EPHA7: variants seen among roughly 807,000 people sequenced by gnomAD.
The protein encoded by EPHA7 is ephrin type-A receptor 7.
EPHA7 carries 25 observed loss-of-function variants against 112.6 expected under a neutral mutation model. The observed-to-expected ratio is 0.22, with a 90% CI of 0.16 to 0.31. EPHA7 has a LOEUF of 0.31. Among genes scored for constraint, EPHA7 ranks in the 10% least tolerant of loss-of-function variants. EPHA7 has a pLI of 1.00. For missense variants in EPHA7, 962 were observed against 1,212.6 expected (o/e 0.79, Z 3.07); for synonymous variants, 437 against 406.5 (o/e 1.07, Z -0.90).
At chr6:93,387,483 A>G (rs1452636723) in intron 3 of EPHA7, among the ~76,000 whole-genome samples, 2 of 151,964 alleles carry the variant, frequency 1.3e-5, no homozygotes, top group Non-Finnish European at 2.9e-5. Flanking sequence ...CCTGTTACCT[A>G]TTTCCTAAGT....
chr6:93,302,765 T>C lies in EPHA7; in HGVS notation c.1325-30343A>G, dbSNP rs1225150885. Among the ~76,000 whole-genome samples, 5 of 152,126 alleles carry C rather than the reference T, an allele frequency of 3.3e-5. 1 individual carries two copies. Among genetic ancestry groups the C allele is most frequent in the Non-Finnish European group, 4.4e-5 (3 of 68,012 alleles). On this transcript the variant is annotated intron_variant, in intron 5 of 16. Coordinates refer to ENST00000369303, the MANE Select transcript of EPHA7 (RefSeq NM_004440.4). The stretch of plus-strand genomic sequence containing the variant: ...GAGAGGGAAAAGGAGAAGGCAGAGT[T>C]ACTGGACAGGAATAAATGAGGACAA...
At chr6:93,257,554 C>G (rs759350674) in intron 11 of EPHA7, 31 bp from the exon 12 acceptor site, 3 of 1,476,802 alleles carry the variant, frequency 2.0e-6, no homozygotes, top group Non-Finnish European at 2.8e-6. Context: ...TTTCAGGAGT[C>G]GTAACCTGAG....
chr6:93,376,766 C>A (rs901217603), intron 3 of EPHA7, among the ~76,000 whole-genome samples: 2 of 152,146 alleles, frequency 1.3e-5, no homozygotes, highest in Admixed American at 6.5e-5. Context: ...AAGATTTGGG[C>A]AGACTCAGGT....
At chr6:93,387,589 C>T (rs541115604) in intron 3 of EPHA7, among the ~76,000 whole-genome samples, 1 of 152,074 alleles carries the variant, frequency 6.6e-6, no homozygotes, top group African/African-American at 2.4e-5. Context: ...GAAGAAATAG[C>T]CCAAACTGAG....
chr6:93,312,481 C>T (rs1484408180), intron 5 of EPHA7, among the ~76,000 whole-genome samples: 6 of 152,066 alleles, frequency 3.9e-5, no homozygotes, highest in African/African-American at 1.4e-4. Flanking sequence ...CTCTCTTAGC[C>T]CTCATTAACT....
At position 93,243,434 on chromosome 6, in the gene EPHA7, G is replaced by C. The variant is rs2127844016; in HGVS notation, c.2989C>G (p.Gln997Glu). Residue 997 changes from glutamine (Q) to glutamate (E), a missense_variant, in exon 17 of 17, where the codon CAA becomes GAA. Physicochemically the swap from Gln to Glu is conservative, Grantham distance 29. This residue lies in a region of EPHA7 where 746 missense variants were observed against 889.2 expected (regional missense o/e 0.84). Coordinates refer to ENST00000369303, the MANE Select transcript of EPHA7 (RefSeq NM_004440.4). ...QMLHLHGTGI[Q>E]V Reference sequence around the variant, plus strand: ...AAAGGGAGAAATGCATATCACACTTGAATGCCAGTTCCATGTAAATGTAGC... The same window carrying C: ...AAAGGGAGAAATGCATATCACACTTCAATGCCAGTTCCATGTAAATGTAGC... 6.2e-7 allele frequency: 1 copy of C among 1,612,134 alleles called. No homozygotes were observed. The highest frequency in any genetic ancestry group is 1.1e-5 in the South Asian group (1 of 91,038).
At chr6:93,385,012 T>G (rs1299408795) in intron 3 of EPHA7, among the ~76,000 whole-genome samples, 1 of 152,160 alleles carries the variant, frequency 6.6e-6, no homozygotes, top group African/African-American at 2.4e-5. Flanking sequence ...AATATGCCAT[T>G]GAAGAAGATT....
At chr6:93,365,620 TA>T in intron 3 of EPHA7, among the ~76,000 whole-genome samples, 1 of 152,250 alleles carries the variant, frequency 6.6e-6, no homozygotes, top group African/African-American at 2.4e-5. Flanking sequence ...CTCCTGTCAC[TA>T]ATATTCTATG....
At chr6:93,290,810 C>G (rs946590437) in intron 5 of EPHA7, among the ~76,000 whole-genome samples, 1 of 152,068 alleles carries the variant, frequency 6.6e-6, no homozygotes, top group African/African-American at 2.4e-5. Context: ...TGCCCAGTGT[C>G]CTAGCATTTT....
chr6:93,291,085 T>C (rs1772336274), intron 5 of EPHA7, among the ~76,000 whole-genome samples: 1 of 152,206 alleles, frequency 6.6e-6, no homozygotes. Flanking sequence ...TATATTTTGA[T>C]AGTAATAAAA....
chr6:93,325,307 A>C (rs1469426399), intron 5 of EPHA7, among the ~76,000 whole-genome samples: 1 of 151,292 alleles, frequency 6.6e-6, no homozygotes, highest in East Asian at 1.9e-4. Flanking sequence ...TTAATAAATA[A>C]AATTATTTAA....
Position 93,240,748 on chromosome 6 carries a change from A to T in EPHA7, c.*2678T>A, listed in dbSNP as rs900779579. On this transcript the variant is annotated 3_prime_UTR_variant, in exon 17 of 17. Transcript: ENST00000369303. ...TCCTCCCCTGAGCACTAATTTATTT[A>T]AAAAAAAAGATTTCAAGGTGCAAGT... 30 of 191,006 alleles carry T rather than the reference A, an allele frequency of 1.6e-4. No homozygotes were observed. Among genetic ancestry groups the T allele is most frequent in the Admixed American group, 1.1e-3 (18 of 16,168 alleles). 11.8% of individuals were successfully genotyped at this position (191,006 alleles called of 1,614,324 possible).
chr6:93,364,775 C>T (rs1341925814), intron 3 of EPHA7, among the ~76,000 whole-genome samples: 3 of 151,972 alleles, frequency 2.0e-5, no homozygotes, highest in Non-Finnish European at 2.9e-5. Context: ...CTATGGATTA[C>T]TTTTAAGACT....
chr6:93,274,289 ACT>A (rs763965922), intron 5 of EPHA7, among the ~76,000 whole-genome samples: 6 of 151,840 alleles, frequency 4.0e-5, no homozygotes, highest in Non-Finnish European at 7.4e-5. Flanking sequence ...GAGGCAGGAG[ACT>A]CTGAATTCTT....
intron 3 of EPHA7, among the ~76,000 whole-genome samples, chr6:93,406,937 T>C (rs1218541589): frequency 1.3e-5 from 2 of 151,900 alleles, no homozygotes; most frequent in African/African-American, 4.8e-5. Flanking sequence ...TCAAAGTTGT[T>C]ACATAACTTG....
Position 93,271,587 on chromosome 6 carries a change from T to TTC in EPHA7, c.1449+709_1449+710dup, listed in dbSNP as rs1239455205. On this transcript the variant is annotated intron_variant, in intron 6 of 16. Transcript: ENST00000369303. ...TGTGAACATGGCTCACATAAACATT[T>TTC]TCTCTCTCTTTCCAAATGAAACAGA... Among the ~76,000 whole-genome samples, 4 of 152,032 alleles carry TTC rather than the reference T, an allele frequency of 2.6e-5. No individual in the cohort carries two copies. In the South Asian group the frequency reaches 6.2e-4, roughly 24 times the overall value.
intron 12 of EPHA7, among the ~76,000 whole-genome samples, chr6:93,256,308 T>C (rs1490578685): frequency 1.3e-5 from 2 of 152,114 alleles, no homozygotes; most frequent in Non-Finnish European, 2.9e-5. Flanking sequence ...TCCAAAAGTA[T>C]ATGCTAATTT....
chr6:93,353,442 TAA>T lies in EPHA7; in HGVS notation c.1324+3273_1324+3274del, dbSNP rs554188045. ...TATCATAAGATAATTGATAACTAGATAAGTCATATTTTTTACAGGCCAAACAA... is the reference window on the plus strand; with the variant it reads ...TATCATAAGATAATTGATAACTAGATGTCATATTTTTTACAGGCCAAACAA... On this transcript the variant is annotated intron_variant, in intron 5 of 16. Transcript: ENST00000369303. Among the ~76,000 whole-genome samples, 42 of 152,264 alleles carry T rather than the reference TAA, an allele frequency of 2.8e-4. No individual in the cohort carries two copies. In the South Asian group the frequency reaches 8.7e-3, roughly 32 times the overall value.
chr6:93,388,461 A>T (rs989845010), intron 3 of EPHA7, among the ~76,000 whole-genome samples: 2 of 152,142 alleles, frequency 1.3e-5, no homozygotes, highest in Admixed American at 6.6e-5. Flanking sequence ...TATCTAAATG[A>T]CTTCATTTAT....
Sources: allele counts gnomAD v4.1 joint callset (sites outside exome capture counted in the v4.1 genomes callset), GRCh38; gene constraint gnomAD v4.1.1; regional missense constraint gnomAD v4.1.1; transcripts MANE v1.5; gene names NCBI Gene and HGNC (gene_info 2026-07-23, HGNC 2026-07-21).